Variants in RGS17 observed in about 807,000 individuals in gnomAD.
The protein encoded by RGS17 is regulator of G-protein signaling 17.
Under a neutral mutation model 25.5 loss-of-function variants are expected in RGS17, and 12 were observed. The ratio of observed to expected loss-of-function variants is 0.47; its 90% CI spans 0.30 to 0.76. The LOEUF is 0.76. RGS17 is among the 30% of genes least tolerant of loss of function. The pLI, the probability that RGS17 is intolerant of heterozygous loss-of-function variation, is 0.07. For synonymous variants in RGS17, 71 were observed against 76.9 expected (o/e 0.92, Z 0.40); for missense variants, 196 against 242.2 (o/e 0.81, Z 1.27).
chr6:153,060,457 C>T (rs1415383186), intron 1 of RGS17, among the ~76,000 whole-genome samples: 1 of 152,200 alleles, frequency 6.6e-6, no homozygotes, highest in Non-Finnish European at 1.5e-5. Context: ...ACTGCTCCAT[C>T]TTCTTTGGCC....
chr6:153,123,935 C>A (rs1439542016), intron 1 of RGS17, among the ~76,000 whole-genome samples: 1 of 152,168 alleles, frequency 6.6e-6, no homozygotes, highest in African/African-American at 2.4e-5. Context: ...GTGTTGAGGT[C>A]GGTTCACAAA....
At chr6:153,123,936 G>T (rs982699869) in intron 1 of RGS17, among the ~76,000 whole-genome samples, 2 of 152,168 alleles carry the variant, frequency 1.3e-5, no homozygotes, top group Non-Finnish European at 1.5e-5. Context: ...TGTTGAGGTC[G>T]GTTCACAAAG....
At chr6:153,015,967 T>C (rs1293269443) in intron 4 of RGS17, among the ~76,000 whole-genome samples, 4 of 152,134 alleles carry the variant, frequency 2.6e-5, no homozygotes, top group Admixed American at 6.5e-5. Context: ...ATATCTTTTA[T>C]GTGCATTGGG....
chr6:153,053,198 C>T (rs1389272880), intron 1 of RGS17, among the ~76,000 whole-genome samples: 1 of 152,154 alleles, frequency 6.6e-6, no homozygotes, highest in African/African-American at 2.4e-5. Flanking sequence ...TAAAACAGCT[C>T]TTAAAATGAG....
At chr6:153,126,779 A>G (rs1206731533) in intron 1 of RGS17, among the ~76,000 whole-genome samples, 1 of 152,252 alleles carries the variant, frequency 6.6e-6, no homozygotes, top group Admixed American at 6.5e-5. Flanking sequence ...AGAGATACGC[A>G]TACAAAATTT....
chr6:153,017,638 C>T (rs181872632), intron 4 of RGS17, among the ~76,000 whole-genome samples: 19 of 152,200 alleles, frequency 1.2e-4, no homozygotes, highest in East Asian at 5.8e-4. Context: ...CATAATTATA[C>T]GAGAATATTG....
chr6:153,069,294 T>C (rs1176890910), intron 1 of RGS17, among the ~76,000 whole-genome samples: 10 of 152,180 alleles, frequency 6.6e-5, no homozygotes, highest in Non-Finnish European at 1.3e-4. Context: ...ATCCTGTAAT[T>C]TGCAACAACA....
intron 1 of RGS17, among the ~76,000 whole-genome samples, chr6:153,065,889 A>G (rs558529855): frequency 6.6e-6 from 1 of 152,266 alleles, no homozygotes; most frequent in Non-Finnish European, 1.5e-5. Context: ...AAGCAAGATA[A>G]TACCAAACCT....
At chr6:153,017,433 G>A (rs1381650571) in intron 4 of RGS17, among the ~76,000 whole-genome samples, 2 of 152,094 alleles carry the variant, frequency 1.3e-5, no homozygotes, top group Non-Finnish European at 2.9e-5. Context: ...GAGAAATCTT[G>A]TTAGTGTGGC....
chr6:153,051,027 T>C (rs781053219), intron 1 of RGS17, among the ~76,000 whole-genome samples: 7 of 152,196 alleles, frequency 4.6e-5, no homozygotes, highest in Non-Finnish European at 8.8e-5. Context: ...AAGATAGTCA[T>C]CTACAACCAG....
At position 153,009,400 on chromosome 6, in the gene RGS17, ACTC is replaced by A. The variant is rs1424374462; in HGVS notation, c.*2171_*2173del. 1 of 152,044 alleles carries A rather than the reference ACTC, an allele frequency of 6.6e-6. No individual in the cohort carries two copies. Among genetic ancestry groups the A allele is most frequent in the African/African-American group, 2.4e-5 (1 of 41,448 alleles). The allele number at this position is 152,044 out of a possible 1,614,324, so 9.4% of individuals were successfully genotyped here. On this transcript the variant is annotated 3_prime_UTR_variant, in exon 5 of 5. Coordinates refer to ENST00000206262, the MANE Select transcript of RGS17 (RefSeq NM_012419.5). ...TGTATATATCATAGTAGCATAATAA[ACTC>A]AATTCTAAGCAAGAAAAAAATTAAA...
chr6:153,127,283 G>C (rs1777717633), intron 1 of RGS17, among the ~76,000 whole-genome samples: 1 of 152,170 alleles, frequency 6.6e-6, no homozygotes. Context: ...AGGGGTTGGG[G>C]ACCCCTGTTC....
chr6:153,026,599 A>G, intron 2 of RGS17, 56 bp from the exon 3 acceptor site: 1 of 1,363,972 alleles, frequency 7.3e-7, no homozygotes. Flanking sequence ...AGTTGAAGAA[A>G]AGAATAAATT....
At chr6:153,048,201 A>T (rs9384067) in intron 1 of RGS17, among the ~76,000 whole-genome samples, 1 of 151,954 alleles carries the variant, frequency 6.6e-6, no homozygotes, top group African/African-American at 2.4e-5. Flanking sequence ...TCCCAAAAAC[A>T]TGTTCTTCCC....
At position 153,107,881 on chromosome 6, in the gene RGS17, G is replaced by A. The variant is rs573032050; in HGVS notation, c.-26+23243C>T. 2.1e-3 allele frequency among the ~76,000 whole-genome samples: 316 copies of A among 152,208 alleles called. 3 individuals are homozygous for A. The highest frequency in any genetic ancestry group is 7.4e-3 in the African/African-American group (306 of 41,518). ...AGCAATCAAATCCCTAACAGCTCTT[G>A]ATAATTTCTCATTTCTTGCTTCAGT... On this transcript the variant is annotated intron_variant, in intron 1 of 4. Transcript: ENST00000206262.
At chr6:153,031,407 G>A (rs1160802044) in intron 2 of RGS17, among the ~76,000 whole-genome samples, 3 of 152,204 alleles carry the variant, frequency 2.0e-5, no homozygotes, top group Admixed American at 6.5e-5. Context: ...TTCCACCTGA[G>A]TAAATAGAGA....
At chr6:153,111,159 C>T (rs994000947) in intron 1 of RGS17, among the ~76,000 whole-genome samples, 42 of 152,292 alleles carry the variant, frequency 2.8e-4, no homozygotes, top group African/African-American at 9.9e-4. Context: ...GCGGATCCCA[C>T]CCCCACGGAG....
chr6:153,020,153 T>TAAA, intron 4 of RGS17, among the ~76,000 whole-genome samples: 1 of 83,588 alleles, frequency 1.2e-5, no homozygotes, highest in Non-Finnish European at 2.2e-5. Context: ...TTTTTTTTTT[T>TAAA]TTTTTTTTTT....
intron 1 of RGS17, among the ~76,000 whole-genome samples, chr6:153,046,759 CCAA>C (rs1449906176): frequency 6.6e-6 from 1 of 151,758 alleles, no homozygotes; most frequent in Non-Finnish European, 1.5e-5. Flanking sequence ...CAATATATAC[CCAA>C]CAAGATTTTC....
Sources: allele counts gnomAD v4.1 joint callset (sites outside exome capture counted in the v4.1 genomes callset), GRCh38; gene constraint gnomAD v4.1.1; transcripts MANE v1.5; gene names NCBI Gene and HGNC (gene_info 2026-07-23, HGNC 2026-07-21).